SUN1: variants seen among roughly 807,000 people sequenced by gnomAD.
SUN1 encodes the protein SUN domain-containing protein 1.
A neutral mutation model predicts 103.2 loss-of-function variants in SUN1; 61 were observed. The ratio of observed to expected loss-of-function variants is 0.59; its 90% CI spans 0.48 to 0.73. SUN1 has a LOEUF of 0.73. Among genes scored for constraint, SUN1 ranks in the 30% least tolerant of loss-of-function variants. The pLI, the probability that SUN1 is intolerant of heterozygous loss-of-function variation, is 0.00. For missense variants in SUN1, 1,052 were observed against 1,034.6 expected, an observed-to-expected ratio of 1.02 and a Z score of -0.23; for synonymous variants, 490 against 425.7, an observed-to-expected ratio of 1.15 and a Z score of -1.86.
intron 1 of SUN1, chr7:817,490 C>A (rs540345733): frequency 3.3e-6 from 5 of 1,535,992 alleles, no homozygotes; most frequent in Non-Finnish European, 4.4e-6. Flanking sequence ...CCCAGGGCTC[C>A]CCAGGACAGG....
intron 15 of SUN1, among the ~76,000 whole-genome samples, chr7:863,162 C>A (rs1414060517): frequency 1.3e-5 from 2 of 152,150 alleles, no homozygotes; most frequent in Non-Finnish European, 1.5e-5. Context: ...AACAAAAAAA[C>A]CCCATCAGTT....
At chr7:858,802 A>G (rs1426543422) in intron 13 of SUN1, among the ~76,000 whole-genome samples, 1 of 152,218 alleles carries the variant, frequency 6.6e-6, no homozygotes, top group Non-Finnish European at 1.5e-5. Context: ...TGGTAAGATT[A>G]TCTCTGATGT....
intron 9 of SUN1, 72 bp from the exon 10 acceptor site, chr7:853,337 T>G: frequency 6.4e-7 from 1 of 1,552,146 alleles, no homozygotes; most frequent in Non-Finnish European, 8.8e-7. Flanking sequence ...TAGGACACTG[T>G]TTGGAGGTTT....
In SUN1 at chr7:874,208, G is replaced by T. The variant is rs934705941; in HGVS notation, c.*877G>T. 2 of 152,454 alleles carry T rather than the reference G, an allele frequency of 1.3e-5. No individual in the cohort carries two copies. The highest frequency in any genetic ancestry group is 4.8e-5 in the African/African-American group (2 of 41,446). 9.4% of individuals were successfully genotyped at this position (152,454 alleles called of 1,614,324 possible). On this transcript the variant is annotated 3_prime_UTR_variant, in exon 19 of 19. Coordinates refer to ENST00000401592, the MANE Select transcript of SUN1 (RefSeq NM_001130965.3). Reference sequence around the variant, plus strand: ...GTGGTGATAAGAGGAGCCGTCTGGTGTGTCAGGGTCACGAACCCGTTACAT... The same window carrying T: ...GTGGTGATAAGAGGAGCCGTCTGGTTTGTCAGGGTCACGAACCCGTTACAT...
At position 838,795 on chromosome 7, in the gene SUN1, T is replaced by C. The variant is rs77466627; in HGVS notation, c.78-3T>C. 1.2e-3 allele frequency: 1,814 copies of C among 1,538,870 alleles called. 36 individuals are homozygous for C. In the East Asian group the frequency reaches 0.037, roughly 32 times the overall value. On this transcript the variant is annotated splice_polypyrimidine_tract_variant and splice_region_variant and intron_variant, in intron 1 of 18. Transcript: ENST00000401592. ...TTACCTCTGATGAGCTTTTTCCTTCTAGTTCCAGCTATTCTTCAGATGCTC... is the reference window on the plus strand; with the variant it reads ...TTACCTCTGATGAGCTTTTTCCTTCCAGTTCCAGCTATTCTTCAGATGCTC...
intron 5 of SUN1, 84 bp from the exon 6 acceptor site, chr7:851,300 T>C (rs1205769268): frequency 8.3e-7 from 1 of 1,207,730 alleles, no homozygotes; most frequent in Non-Finnish European, 1.2e-6. Context: ...GTGAAGTGTG[T>C]GGCTTGGGCG....
rs1444699826 is a variant in SUN1 at position 873,392 on chromosome 7, A to G, written c.*61A>G. ...TACTGGGACAGCGTGAAACACTGGA[A>G]TCCTTCATGGACGAGGGCATATACA... On this transcript the variant is annotated 3_prime_UTR_variant, in exon 19 of 19. Transcript: ENST00000401592. The G allele has an allele frequency of 7.0e-7, 1 of 1,430,014 alleles. No individual in the cohort carries two copies. The highest frequency in any genetic ancestry group is 9.9e-7 in the Non-Finnish European group (1 of 1,014,834). The allele number at this position is 1,430,014 out of a possible 1,614,324, so 88.6% of individuals were successfully genotyped here. A position where few individuals can be genotyped will look rare whatever the true frequency, so the allele number is the denominator to read the frequency against.
intron 1 of SUN1, chr7:817,489 C>T (rs888091156): frequency 3.3e-6 from 5 of 1,536,082 alleles, no homozygotes; most frequent in Admixed American, 2.0e-5. Flanking sequence ...CCCCAGGGCT[C>T]CCCAGGACAG....
At chr7:864,148 A>AG (rs1369756684) in intron 15 of SUN1, among the ~76,000 whole-genome samples, 6 of 152,172 alleles carry the variant, frequency 3.9e-5, no homozygotes, top group Admixed American at 1.3e-4. Flanking sequence ...ATATATTTTG[A>AG]TACAGGCATG....
chr7:847,281 CGTCTCCGGG>C (rs1816862157), intron 5 of SUN1, among the ~76,000 whole-genome samples: 5 of 147,454 alleles, frequency 3.4e-5, no homozygotes, highest in Admixed American at 6.7e-5. Flanking sequence ...CCCGCAGCGC[CGTCTCCGGG>C]ATCCCCTGGG....
In SUN1 at chr7:860,123, A is replaced by G. The variant is rs1831069042; in HGVS notation, c.1525-5A>G. 6.2e-7 allele frequency: 1 copy of G among 1,613,348 alleles called. No individual in the cohort carries two copies. The highest frequency in any genetic ancestry group is 2.2e-5 in the East Asian group (1 of 44,860). On this transcript the variant is annotated splice_region_variant and splice_polypyrimidine_tract_variant and intron_variant, in intron 13 of 18. Coordinates refer to ENST00000401592, the MANE Select transcript of SUN1 (RefSeq NM_001130965.3). ...GACATTTGTGTCCGTCTGCTGTTTT[A>G]CTAGGTGGACGTGCAAGTCAGAGAA...
rs1428293057 is a variant in SUN1, at chr7:851,995, A to G, written c.803A>G (p.Tyr268Cys). ...TTCTGGTGGCTGGGGATTGGATGGT[A>G]CCAGTTTGTTACTTTGATTTCTTGG... The part of the protein sequence containing the change: ...GVFWWLGIGW[Y>C]QFVTLISWLN... Residue 268 changes from tyrosine (Y) to cysteine (C), a missense_variant, in exon 7 of 19, where the codon TAC becomes TGC. Tyr to Cys is a radical substitution (Grantham distance 194). Coordinates refer to ENST00000401592, the MANE Select transcript of SUN1 (RefSeq NM_001130965.3). 1 of 1,614,022 alleles carries G rather than the reference A, an allele frequency of 6.2e-7. No individual in the cohort carries two copies. Among genetic ancestry groups the G allele is most frequent in the East Asian group, 2.2e-5 (1 of 44,896 alleles).
At chr7:852,536 A>G in intron 7 of SUN1, 73 bp from the exon 8 acceptor site, 2 of 1,587,268 alleles carry the variant, frequency 1.3e-6, no homozygotes, top group Non-Finnish European at 1.7e-6. Context: ...AAAATTATCT[A>G]GAGGGGGAAA....
At chr7:857,662 G>A (rs566329298) in intron 12 of SUN1, among the ~76,000 whole-genome samples, 166 bp from the exon 13 acceptor site, 65 of 152,354 alleles carry the variant, frequency 4.3e-4, no homozygotes, top group African/African-American at 1.5e-3. Context: ...TCTGGGAACT[G>A]TATTTGAAAC....
At chr7:839,336 G>A (rs945637882) in intron 2 of SUN1, among the ~76,000 whole-genome samples, 2 of 152,228 alleles carry the variant, frequency 1.3e-5, no homozygotes, top group Admixed American at 6.5e-5. Flanking sequence ...GTGTAAAGAG[G>A]AAGGAATCTT....
rs142817809 is a variant in SUN1, at chr7:836,746, A to G, written c.78-2052A>G. ...GAAATAACCTCACAGATACACTCAG[A>G]ATAATGTTGGAGCAAATATCTGAGC... On this transcript the variant is annotated intron_variant, in intron 1 of 18. Coordinates refer to ENST00000401592, the MANE Select transcript of SUN1 (RefSeq NM_001130965.3). Among the ~76,000 whole-genome samples the G allele has an allele frequency of 1.0e-3, 155 of 152,348 alleles. 1 individual carries two copies. Among genetic ancestry groups the G allele is most frequent in the South Asian group, 8.9e-3 (43 of 4,824 alleles).
chr7:834,654 G>T (rs1801193834), intron 1 of SUN1, among the ~76,000 whole-genome samples: 1 of 152,212 alleles, frequency 6.6e-6, no homozygotes, highest in South Asian at 2.1e-4. Context: ...CAGCTGGAAG[G>T]TGGAGCGGCC....
chr7:824,677 G>A (rs1471781293), intron 1 of SUN1, among the ~76,000 whole-genome samples: 1 of 152,174 alleles, frequency 6.6e-6, no homozygotes, highest in African/African-American at 2.4e-5. Context: ...AGAAGTCGTC[G>A]TTTTCTTTGA....
rs758701308 is a variant in SUN1 at position 842,051 on chromosome 7, G to A, written c.372G>A (p.Leu124=). The change falls in exon 3 of 19, where the codon CTG becomes CTA. Residue 124 remains leucine (L), a synonymous_variant. Coordinates refer to ENST00000401592, the MANE Select transcript of SUN1 (RefSeq NM_001130965.3). ...TCAGCCACGGCGGCACTGTCAGCCT[G>A]CAGGATGCTGTGACTCGACGGCCTC... ...SGVSHGGTVS[L]QDAVTRRPPV... The A allele has an allele frequency of 5.6e-6, 9 of 1,614,218 alleles. No individual in the cohort carries two copies. Among genetic ancestry groups the A allele is most frequent in the African/African-American group, 1.3e-5 (1 of 75,036 alleles).
Sources: gnomAD v4.1 joint callset for allele counts (sites outside exome capture counted in the v4.1 genomes callset) on GRCh38, gnomAD v4.1.1 for gene constraint, MANE v1.5 for transcripts, NCBI Gene and HGNC (gene_info 2026-07-23, HGNC 2026-07-21) for gene names.